The following SFMBT1 variants were observed in gnomAD, a reference collection of about 807,000 sequenced individuals.
The protein encoded by SFMBT1 is scm-like with four MBT domains protein 1.
A neutral mutation model predicts 108.7 loss-of-function variants in SFMBT1; 32 were observed. The ratio of observed to expected loss-of-function variants is 0.29; its 90% CI spans 0.22 to 0.40. The LOEUF (loss-of-function observed/expected upper bound fraction) is 0.40. Ranked by LOEUF, SFMBT1 falls within the 10% of genes least tolerant of loss-of-function variation. The pLI is 1.00. For missense variants in SFMBT1, 816 were observed against 1,059.6 expected (o/e 0.77, Z 3.19); for synonymous variants, 348 against 369.5 (o/e 0.94, Z 0.67).
chr3:52,928,927 A>C (rs946608540), intron 8 of SFMBT1, among the ~76,000 whole-genome samples: 2 of 151,006 alleles, frequency 1.3e-5, no homozygotes, highest in African/African-American at 4.9e-5. Context: ...CTTGTCTCAA[A>C]CTCCTGGGCT....
intron 1 of SFMBT1, among the ~76,000 whole-genome samples, chr3:52,989,803 A>G (rs1705058710): frequency 6.8e-6 from 1 of 147,088 alleles, no homozygotes; most frequent in Non-Finnish European, 1.5e-5. Flanking sequence ...AAAAAAAAAA[A>G]GAAAAAGAAA....
chr3:52,967,607 C>T (rs1704190084), intron 2 of SFMBT1, among the ~76,000 whole-genome samples: 1 of 151,854 alleles, frequency 6.6e-6, no homozygotes, highest in South Asian at 2.1e-4. Flanking sequence ...AAAACCTCAA[C>T]AAAAAAACCA....
intron 1 of SFMBT1, among the ~76,000 whole-genome samples, chr3:53,006,595 C>T (rs1382787534): frequency 6.8e-6 from 1 of 146,110 alleles, no homozygotes; most frequent in Non-Finnish European, 1.5e-5. Flanking sequence ...TGCCACTGTA[C>T]TCCAGCCTGG....
intron 1 of SFMBT1, among the ~76,000 whole-genome samples, chr3:52,973,525 G>A (rs1454946113): frequency 6.6e-6 from 1 of 152,052 alleles, no homozygotes; most frequent in Non-Finnish European, 1.5e-5. Context: ...ATTTTTAAGT[G>A]GTACATCAAT....
chr3:52,969,056 T>A, intron 2 of SFMBT1, 45 bp downstream of exon 2: 1 of 1,605,498 alleles, frequency 6.2e-7, no homozygotes, highest in Non-Finnish European at 8.5e-7. Context: ...GCAAGTAATA[T>A]AATTGTGCAT....
At chr3:52,965,491 G>A (rs1704102480) in intron 2 of SFMBT1, among the ~76,000 whole-genome samples, 1 of 152,026 alleles carries the variant, frequency 6.6e-6, no homozygotes, top group Admixed American at 6.6e-5. Flanking sequence ...AAGCGTTGCG[G>A]GTGGGAGGTG....
intron 19 of SFMBT1, among the ~76,000 whole-genome samples, 156 bp from the exon 20 acceptor site, chr3:52,906,397 C>T (rs1406205012): frequency 1.3e-5 from 2 of 152,192 alleles, no homozygotes; most frequent in African/African-American, 2.4e-5. Flanking sequence ...CCACGTGCAT[C>T]AGGTACTCAG....
chr3:52,987,809 G>C (rs73075789), intron 1 of SFMBT1, among the ~76,000 whole-genome samples: 44 of 152,236 alleles, frequency 2.9e-4, no homozygotes, highest in Non-Finnish European at 6.0e-4. Flanking sequence ...CCATCTATAA[G>C]CTTCTAAAAT....
chr3:52,960,337 A>T (rs1418350351), intron 2 of SFMBT1, among the ~76,000 whole-genome samples: 1 of 152,202 alleles, frequency 6.6e-6, no homozygotes, highest in Non-Finnish European at 1.5e-5. Context: ...AGTACAAAAG[A>T]GGCTTAAACT....
chr3:52,911,395 A>C (rs1702211022), intron 16 of SFMBT1, among the ~76,000 whole-genome samples: 2 of 152,256 alleles, frequency 1.3e-5, no homozygotes. Flanking sequence ...TGAGTTATTT[A>C]AATTAGCAAA....
chr3:53,024,523 G>A (rs1342391630), intron 1 of SFMBT1, among the ~76,000 whole-genome samples: 1 of 150,906 alleles, frequency 6.6e-6, no homozygotes, highest in Non-Finnish European at 1.5e-5. Flanking sequence ...TAAATTCTGA[G>A]CAGAGTAACA....
intron 9 of SFMBT1, among the ~76,000 whole-genome samples, chr3:52,926,363 A>G (rs1011353198): frequency 6.6e-6 from 1 of 152,216 alleles, no homozygotes; most frequent in African/African-American, 2.4e-5. Context: ...ATTTCAAACT[A>G]GGCATTTATT....
intron 1 of SFMBT1, among the ~76,000 whole-genome samples, chr3:53,016,847 T>C (rs554949475): frequency 5.9e-5 from 9 of 152,332 alleles, no homozygotes; most frequent in African/African-American, 1.9e-4. Context: ...TTTTAAGAAA[T>C]TCTTCCCCAT....
chr3:52,969,171 A>T lies in SFMBT1; in HGVS notation c.-43T>A. The T allele has an allele frequency of 6.2e-7, 1 of 1,612,926 alleles. No homozygotes were observed. The highest frequency in any genetic ancestry group is 8.5e-7 in the Non-Finnish European group (1 of 1,179,602). ...AGGCTATATCCTCCCAAAACAAAGG[A>T]AAGGCCTATGGTTCTGCTAGGATCT... On this transcript the variant is annotated 5_prime_UTR_variant, in exon 2 of 21. Coordinates refer to ENST00000394752, the MANE Select transcript of SFMBT1 (RefSeq NM_016329.4).
At position 52,928,302 on chromosome 3, in the gene SFMBT1, A is replaced by G. The variant is rs1433016599; in HGVS notation, c.937T>C (p.Leu313=). 6.2e-7 allele frequency: 1 copy of G among 1,614,108 alleles called. No individual in the cohort carries two copies. The highest frequency in any genetic ancestry group is 8.5e-7 in the Non-Finnish European group (1 of 1,180,024). The change falls in exon 9 of 21, where the codon TTG becomes CTG. Residue 313 remains leucine (L), a synonymous_variant. Transcript: ENST00000394752. ...EKYFLVEMDD[L]RPENHARRSF... is the part of the protein sequence containing the mutation. ...CGCCGTGCGTGGTTCTCAGGACGCA[A>G]GTCATCCATTTCCACCAGAAAGTAC...
Position 52,908,630 on chromosome 3 carries a change from G to A in SFMBT1, c.1907-897C>T, listed in dbSNP as rs772168247. Among the ~76,000 whole-genome samples, 3 of 152,000 alleles carry A rather than the reference G, an allele frequency of 2.0e-5. No homozygotes were observed. In the South Asian group the frequency reaches 6.2e-4, roughly 32 times the overall value. ...GTCACCCAGGCTGGAGTGCAGTGGC[G>A]TGATCTTGGCTCACTGCAACCTCCA... On this transcript the variant is annotated intron_variant, in intron 17 of 20. Coordinates refer to ENST00000394752, the MANE Select transcript of SFMBT1 (RefSeq NM_016329.4).
intron 4 of SFMBT1, among the ~76,000 whole-genome samples, chr3:52,941,795 G>A (rs1307849038): frequency 1.3e-5 from 2 of 151,864 alleles, no homozygotes; most frequent in Non-Finnish European, 2.9e-5. Flanking sequence ...CTACTTGGCA[G>A]GGGTGAGGTG....
chr3:53,027,081 C>T (rs1405445321), intron 1 of SFMBT1, among the ~76,000 whole-genome samples: 1 of 152,198 alleles, frequency 6.6e-6, no homozygotes, highest in Non-Finnish European at 1.5e-5. Flanking sequence ...CCATGCCCAA[C>T]AGGGAAGGGA....
intron 12 of SFMBT1, 37 bp downstream of exon 12, chr3:52,920,500 T>C: frequency 6.8e-7 from 1 of 1,473,800 alleles, no homozygotes; most frequent in Non-Finnish European, 9.5e-7. Flanking sequence ...GAAGATTATT[T>C]AACAATCAAT....
Sources: gnomAD v4.1 joint callset for allele counts (sites outside exome capture counted in the v4.1 genomes callset) on GRCh38, gnomAD v4.1.1 for gene constraint, MANE v1.5 for transcripts, NCBI Gene and HGNC (gene_info 2026-07-23, HGNC 2026-07-21) for gene names.